STEAP4: variants seen among roughly 807,000 people sequenced by gnomAD.
The protein encoded by STEAP4 is STEAP4 metalloreductase, also known as metalloreductase STEAP4.
STEAP4 carries 36 observed loss-of-function variants against 43.6 expected under a neutral mutation model. The observed-to-expected ratio is 0.83, with a 90% confidence interval of 0.63 to 1.09. The LOEUF is 1.09. STEAP4 is among the 50% of genes least tolerant of loss of function. The pLI is 0.00. For missense variants in STEAP4, 495 were observed against 546.5 expected (o/e 0.91, Z 0.94); for synonymous variants, 191 against 196.7 (o/e 0.97, Z 0.24).
chr7:88,294,747 A>G (rs1231257288), intron 1 of STEAP4, among the ~76,000 whole-genome samples: 1 of 152,134 alleles, frequency 6.6e-6, no homozygotes, highest in African/African-American at 2.4e-5. Context: ...GAAATTTCAT[A>G]AAGATAAAAA....
At chr7:88,301,813 C>G (rs1853039512) in intron 1 of STEAP4, among the ~76,000 whole-genome samples, 1 of 151,950 alleles carries the variant, frequency 6.6e-6, no homozygotes, top group African/African-American at 2.4e-5. Flanking sequence ...TGAGCTCAGG[C>G]AATCCGCCCG....
chr7:88,296,577 T>C (rs1422567928), intron 1 of STEAP4, among the ~76,000 whole-genome samples: 1 of 152,140 alleles, frequency 6.6e-6, no homozygotes, highest in African/African-American at 2.4e-5. Flanking sequence ...CCGAAATCCA[T>C]CAATCAAATG....
chr7:88,286,764 AACACACACACACACACAC>A (rs61360123), intron 1 of STEAP4, among the ~76,000 whole-genome samples: 1 of 133,764 alleles, frequency 7.5e-6, no homozygotes, highest in African/African-American at 2.8e-5. Context: ...CATACATATA[AACACACACACACACACAC>A]ACACACACAC....
chr7:88,281,098 A>C lies in STEAP4; in HGVS notation c.985-19T>G. On this transcript the variant is annotated intron_variant, in intron 3 of 4. Transcript: ENST00000380079. ...GTATTGCCTAAGAAAAATTATAAGC[A>C]ATTACAAAACTACATTTTTACAAAC... 1 of 1,527,148 alleles carries C rather than the reference A, an allele frequency of 6.5e-7. No individual in the cohort carries two copies. The highest frequency in any genetic ancestry group is 1.3e-5 in the South Asian group (1 of 77,516). The allele number at this position is 1,527,148 out of a possible 1,614,324, so 94.6% of individuals were successfully genotyped here. A position where few individuals can be genotyped will look rare whatever the true frequency, so the allele number is the denominator to read the frequency against.
chr7:88,285,027 T>G (rs1026760109), intron 1 of STEAP4, among the ~76,000 whole-genome samples: 2 of 152,076 alleles, frequency 1.3e-5, no homozygotes, highest in African/African-American at 4.8e-5. Context: ...CTAACATAAC[T>G]AGATCAGAGA....
intron 1 of STEAP4, among the ~76,000 whole-genome samples, chr7:88,289,929 A>G (rs1204618126): frequency 6.6e-6 from 1 of 152,212 alleles, no homozygotes; most frequent in East Asian, 1.9e-4. Flanking sequence ...CAAACCTTCA[A>G]ACTGCTGAAC....
At chr7:88,285,451 G>T (rs1852713957) in intron 1 of STEAP4, among the ~76,000 whole-genome samples, 1 of 152,112 alleles carries the variant, frequency 6.6e-6, no homozygotes, top group Non-Finnish European at 1.5e-5. Flanking sequence ...TAAATGGGAT[G>T]CTAGTCATAT....
In STEAP4 at chr7:88,303,194, A is replaced by C. The variant is rs530757503; in HGVS notation, c.-3+3598T>G. ...TCATATAATCTGCATTAAAAAAAAAAAAAAAAAAAAAAAAACTCCAACCGG... is the reference window on the plus strand; with the variant it reads ...TCATATAATCTGCATTAAAAAAAAACAAAAAAAAAAAAAAACTCCAACCGG... On this transcript the variant is annotated intron_variant, in intron 1 of 4. Transcript: ENST00000380079. Among the ~76,000 whole-genome samples, 16 of 143,220 alleles carry C rather than the reference A, an allele frequency of 1.1e-4. No individual in the cohort carries two copies. In the East Asian group the frequency reaches 2.3e-3, roughly 21 times the overall value. 94.0% of individuals were successfully genotyped at this position (143,220 alleles called of 152,430 possible). A position where few individuals can be genotyped will look rare whatever the true frequency, so the allele number is the denominator to read the frequency against.
chr7:88,289,433 TCTC>T (rs1852799296), intron 1 of STEAP4, among the ~76,000 whole-genome samples: 1 of 152,184 alleles, frequency 6.6e-6, no homozygotes, highest in Non-Finnish European at 1.5e-5. Context: ...ACTACTCAAT[TCTC>T]CTATGGTGGA....
At chr7:88,280,299 A>G (rs1221159469) in intron 4 of STEAP4, among the ~76,000 whole-genome samples, 2 of 152,210 alleles carry the variant, frequency 1.3e-5, no homozygotes, top group African/African-American at 4.8e-5. Flanking sequence ...TTGAAGGCTC[A>G]TTAAATTTCT....
chr7:88,295,366 T>C (rs956477793), intron 1 of STEAP4, among the ~76,000 whole-genome samples: 4 of 152,160 alleles, frequency 2.6e-5, no homozygotes, highest in African/African-American at 9.7e-5. Context: ...CAAATACCTC[T>C]GCAAAGGGTT....
chr7:88,297,719 G>T (rs1852946119), intron 1 of STEAP4, among the ~76,000 whole-genome samples: 1 of 152,022 alleles, frequency 6.6e-6, no homozygotes, highest in Admixed American at 6.6e-5. Flanking sequence ...CCAGGCAGGG[G>T]GGAAAGTGAG....
intron 1 of STEAP4, among the ~76,000 whole-genome samples, chr7:88,294,560 T>G (rs1334311144): frequency 6.6e-5 from 10 of 152,150 alleles, no homozygotes. Flanking sequence ...TTGAAGGTCT[T>G]TGTGTGTAAG....
At chr7:88,286,764 A>ACACAC (rs1852741999) in intron 1 of STEAP4, among the ~76,000 whole-genome samples, 1 of 133,768 alleles carries the variant, frequency 7.5e-6, no homozygotes, top group Non-Finnish European at 1.6e-5. Flanking sequence ...CATACATATA[A>ACACAC]ACACACACAC....
Position 88,297,315 on chromosome 7 carries a change from A to G in STEAP4, c.-3+9477T>C, listed in dbSNP as rs115619333. Reference sequence around the variant, plus strand: ...TTATTATAAGAAAGTTGGACAACACACACATAAAAATAAGATAATTTCAGA... The same window carrying G: ...TTATTATAAGAAAGTTGGACAACACGCACATAAAAATAAGATAATTTCAGA... On this transcript the variant is annotated intron_variant, in intron 1 of 4. Transcript: ENST00000380079. 8.0e-3 allele frequency among the ~76,000 whole-genome samples: 1,212 copies of G among 152,288 alleles called. 16 individuals are homozygous for G. Among genetic ancestry groups the G allele is most frequent in the African/African-American group, 0.026 (1,081 of 41,562 alleles).
In STEAP4 at chr7:88,280,898, G is replaced by T; in HGVS notation, c.1149+17C>A. 1.9e-6 allele frequency: 3 copies of T among 1,544,264 alleles called. No individual in the cohort carries two copies. In the South Asian group the frequency reaches 3.7e-5, roughly 19 times the overall value. On this transcript the variant is annotated intron_variant, in intron 4 of 4. Transcript: ENST00000380079. ...TGGAGCAAAATGAAAAGTTAGGAAT[G>T]AACTTGAAGTTCTTACCTGGACAAA...
intron 1 of STEAP4, chr7:88,290,209 TATTC>T (rs1262139363): frequency 2.0e-5 from 3 of 152,222 alleles, no homozygotes; most frequent in Admixed American, 6.5e-5. Flanking sequence ...TTGGTCACTA[TATTC>T]ATTTATTCTA....
Position 88,281,048 on chromosome 7 carries a change from G to A in STEAP4, c.1016C>T (p.Thr339Ile). ...TGAATCACTGAGCCAGGCTGAGGAGGTGCTAAATGGATTCTCCTTCTTGAG... is the reference window on the plus strand; with the variant it reads ...TGAATCACTGAGCCAGGCTGAGGAGATGCTAAATGGATTCTCCTTCTTGAG... ...AILKKENPFS[T>I]SSAWLSDSYV... The change falls in exon 4 of 5, where the codon ACC becomes ATC. Residue 339 changes from threonine to isoleucine, a missense_variant. Transcript: ENST00000380079. The A allele has an allele frequency of 1.2e-6, 2 of 1,604,030 alleles. No homozygotes were observed. The highest frequency in any genetic ancestry group is 1.1e-5 in the South Asian group (1 of 88,898).
Position 88,283,998 on chromosome 7 carries a change from T to C in STEAP4, c.272A>G (p.Glu91Gly), listed in dbSNP as rs1468058567. Residue 91 changes from glutamate (E) to glycine (G), a missense_variant, in exon 2 of 5, where the codon GAA becomes GGA. Glu to Gly is a moderately conservative substitution (Grantham distance 98, BLOSUM62 -2). Transcript: ENST00000380079. ...IHREHYDFLTELTEVLNGKIL... is the reference protein window; with the variant it reads ...IHREHYDFLTGLTEVLNGKIL... ...TTTTCCATTGAGAACCTCAGTTAATTCTGTGAGAAAATCATAATGCTCTCT... is the reference window on the plus strand; with the variant it reads ...TTTTCCATTGAGAACCTCAGTTAATCCTGTGAGAAAATCATAATGCTCTCT... The C allele has an allele frequency of 6.2e-7, 1 of 1,614,162 alleles. No homozygotes were observed. Among genetic ancestry groups the C allele is most frequent in the Non-Finnish European group, 8.5e-7 (1 of 1,180,026 alleles).
Sources: allele counts gnomAD v4.1 joint callset (sites outside exome capture counted in the v4.1 genomes callset), GRCh38; gene constraint gnomAD v4.1.1; transcripts MANE v1.5; gene names NCBI Gene and HGNC (gene_info 2026-07-23, HGNC 2026-07-21).